Variants in ZNF529 observed in about 807,000 individuals in gnomAD.
The protein encoded by ZNF529 is zinc finger protein 529.
ZNF529 carries 11 observed loss-of-function variants against 10.1 expected under a neutral mutation model. That is an observed-to-expected ratio of 1.09 (90% CI 0.69 to 1.81). The LOEUF (loss-of-function observed/expected upper bound fraction) is 1.81, where lower values mean the gene tolerates loss of function less well. Ranked by LOEUF, ZNF529 falls within the 40% of genes most tolerant of loss-of-function variation. The pLI is 0.00. For synonymous variants in ZNF529, 204 were observed against 215.7 expected (o/e 0.95, Z 0.47); for missense variants, 624 against 666.8 (o/e 0.94, Z 0.71).
intron 4 of ZNF529, among the ~76,000 whole-genome samples, chr19:36,550,203 G>T (rs1438936201): frequency 6.6e-6 from 1 of 152,170 alleles, no homozygotes; most frequent in Admixed American, 6.5e-5. Context: ...AGATTTGAGT[G>T]CCAGTATCAG....
At chr19:36,561,268 GT>G (rs1293133266) in intron 2 of ZNF529, among the ~76,000 whole-genome samples, 3 of 152,132 alleles carry the variant, frequency 2.0e-5, no homozygotes, top group Non-Finnish European at 4.4e-5. Flanking sequence ...CCCAGGTGCA[GT>G]TTAGTCCCTG....
At chr19:36,586,220 TAATA>T (rs2036576063) in intron 2 of ZNF529, among the ~76,000 whole-genome samples, 1 of 152,328 alleles carries the variant, frequency 6.6e-6, no homozygotes, top group East Asian at 1.9e-4. Context: ...CAGACCCACC[TAATA>T]GTACTAAAAA....
chr19:36,591,094 G>A (rs917281839), intron 1 of ZNF529, among the ~76,000 whole-genome samples: 3 of 150,530 alleles, frequency 2.0e-5, no homozygotes, highest in Non-Finnish European at 4.4e-5. Context: ...GAGGTCAAGA[G>A]ATCGAGACCA....
intron 2 of ZNF529, among the ~76,000 whole-genome samples, chr19:36,569,871 T>C (rs1424676286): frequency 6.6e-6 from 1 of 152,208 alleles, no homozygotes; most frequent in Non-Finnish European, 1.5e-5. Context: ...TGGGAGATAA[T>C]CTCTGAGCAG....
intron 1 of ZNF529, among the ~76,000 whole-genome samples, chr19:36,596,502 T>A (rs1011670965): frequency 6.6e-6 from 1 of 151,762 alleles, no homozygotes; most frequent in African/African-American, 2.4e-5. Context: ...ACCTTCATAC[T>A]TTTGCTTTCA....
chr19:36,547,674 G>A lies in ZNF529; in HGVS notation c.884C>T (p.Ala295Val), dbSNP rs1301031978. 2 of 1,613,860 alleles carry A rather than the reference G, an allele frequency of 1.2e-6. No homozygotes were observed. The highest frequency in any genetic ancestry group is 1.7e-4 in the Middle Eastern group (1 of 6,060). ...SFCGKSFRVH[A>V]QLTRHQKIHT... The stretch of plus-strand genomic sequence containing the variant: ...GATTTTCTGATGTCGAGTAAGTTGT[G>A]CATGCACTCTAAAGGATTTCCCACA... Residue 295 changes from alanine to valine, a missense_variant, in exon 5 of 5, where the codon GCA (alanine) becomes GTA (valine). Physicochemically the swap from Ala to Val is moderately conservative, Grantham distance 64. Transcript: ENST00000591340.
chr19:36,572,533 C>T (rs1454180956), intron 1 of ZNF529, 141 bp from the exon 2 acceptor site: 1 of 647,320 alleles, frequency 1.5e-6, no homozygotes, highest in Non-Finnish European at 2.7e-6. Flanking sequence ...GTCGACTCCT[C>T]CCCACATCCG....
rs1280059888 is a variant in ZNF529, at chr19:36,547,349, A to G, written c.1209T>C (p.Phe403=). 3 of 1,613,908 alleles carry G rather than the reference A, an allele frequency of 1.9e-6. No individual in the cohort carries two copies. The highest frequency in any genetic ancestry group is 1.7e-6 in the Non-Finnish European group (2 of 1,179,952). ...PYECKACGKV[F]RNSSSLTRHQ... is the part of the protein sequence containing the mutation. ...GTCTAGTCAGGGATGAACTATTTCTAAAGACCTTTCCACATGCTTTGCATT... is the reference window on the plus strand; with the variant it reads ...GTCTAGTCAGGGATGAACTATTTCTGAAGACCTTTCCACATGCTTTGCATT... Residue 403 remains phenylalanine (F), a synonymous_variant, in exon 5 of 5, where the codon TTT becomes TTC. Coordinates refer to ENST00000591340, the MANE Select transcript of ZNF529 (RefSeq NM_020951.5).
At chr19:36,604,545 G>A (rs1184550179) in intron 1 of ZNF529, among the ~76,000 whole-genome samples, 2 of 152,084 alleles carry the variant, frequency 1.3e-5, no homozygotes, top group African/African-American at 4.8e-5. Context: ...ATGCCACTGT[G>A]TATTATGCAT....
intron 2 of ZNF529, among the ~76,000 whole-genome samples, chr19:36,584,065 A>G (rs1054022472): frequency 1.3e-5 from 2 of 152,178 alleles, no homozygotes; most frequent in Non-Finnish European, 2.9e-5. Flanking sequence ...TAACACCTAG[A>G]CACATCACAG....
chr19:36,572,304 C>T, intron 2 of ZNF529, 29 bp downstream of exon 2: 6 of 1,537,746 alleles, frequency 3.9e-6, no homozygotes, highest in Non-Finnish European at 5.2e-6. Context: ...ACCAAGGGAC[C>T]AGGTAAATGA....
At chr19:36,575,639 A>G (rs972398220), upstream of ZNF529, among the ~76,000 whole-genome samples, 2 of 152,158 alleles carry the variant, frequency 1.3e-5, no homozygotes, top group Non-Finnish European at 2.9e-5. Context: ...CAAATTTCAA[A>G]CTTCATTTAA....
intron 1 of ZNF529, among the ~76,000 whole-genome samples, chr19:36,572,680 C>A (rs1019847964): frequency 2.0e-5 from 3 of 152,104 alleles, no homozygotes; most frequent in African/African-American, 7.2e-5. Context: ...CCTATGCCCT[C>A]CCCTTCACGT....
rs781768172 is a variant in ZNF529 at position 36,547,909 on chromosome 19, G to T, written c.649C>A (p.Gln217Lys). 2 of 1,612,422 alleles carry T rather than the reference G, an allele frequency of 1.2e-6. No individual in the cohort carries two copies. The highest frequency in any genetic ancestry group is 4.5e-5 in the East Asian group (2 of 44,850). The change falls in exon 5 of 5, where the codon CAA (glutamine) becomes AAA (lysine). Residue 217 changes from glutamine (Q) to lysine (K), a missense_variant. Transcript: ENST00000591340. ...TTCACACCAGTATGAATATTCAGTT[G>T]TAACATACTGGAGTTATCTATCCCA... The part of the protein sequence containing the change: ...TFGIDNSSML[Q>K]LNIHTGVKPC...
In ZNF529 at chr19:36,567,629, GA is replaced by G. The variant is rs779334345; in HGVS notation, c.14+4703del. ...GCTAATTTTTGTATTTTTAGTAGGA[GA>G]CGGGGTTTCACCATGCTGGCCAGGC... On this transcript the variant is annotated intron_variant, in intron 2 of 4. Transcript: ENST00000591340. Among the ~76,000 whole-genome samples, 63 of 152,170 alleles carry G rather than the reference GA, an allele frequency of 4.1e-4. No homozygotes were observed. In the Middle Eastern group the frequency reaches 0.02, roughly 49 times the overall value.
At chr19:36,588,576 C>T (rs1180573527) in intron 2 of ZNF529, among the ~76,000 whole-genome samples, 1 of 152,138 alleles carries the variant, frequency 6.6e-6, no homozygotes, top group African/African-American at 2.4e-5. Flanking sequence ...GAGTGCTATT[C>T]TACCTCAGGA....
At chr19:36,595,820 T>C (rs1321084515) in intron 1 of ZNF529, among the ~76,000 whole-genome samples, 1 of 152,118 alleles carries the variant, frequency 6.6e-6, no homozygotes, top group Non-Finnish European at 1.5e-5. Flanking sequence ...TAGTTGGAGA[T>C]AGCATATATC....
At chr19:36,551,531 G>A (rs2035257315) in intron 4 of ZNF529, among the ~76,000 whole-genome samples, 1 of 152,088 alleles carries the variant, frequency 6.6e-6, no homozygotes, top group Non-Finnish European at 1.5e-5. Context: ...AAAATTTCTA[G>A]TGCACCATTT....
At chr19:36,565,687 G>A (rs1334747669) in intron 2 of ZNF529, among the ~76,000 whole-genome samples, 4 of 152,060 alleles carry the variant, frequency 2.6e-5, no homozygotes, top group Non-Finnish European at 2.9e-5. Context: ...GCGACAGAGT[G>A]AGACTCTGTC....
Sources: allele counts gnomAD v4.1 joint callset (sites outside exome capture counted in the v4.1 genomes callset), GRCh38; gene constraint gnomAD v4.1.1; transcripts MANE v1.5; gene names NCBI Gene and HGNC (gene_info 2026-07-23, HGNC 2026-07-21).